The following AGBL4 variants were observed in gnomAD, a reference collection of about 807,000 sequenced individuals.
AGBL4 encodes AGBL carboxypeptidase 4.
In AGBL4, 58 loss-of-function variants were observed where a neutral mutation model predicts 66.4. The ratio of observed to expected loss-of-function variants is 0.87; its 90% CI spans 0.71 to 1.09. The LOEUF is 1.09. Ranked by LOEUF, AGBL4 falls within the 50% of genes least tolerant of loss-of-function variation. The probability of loss-of-function intolerance (pLI) is 0.00; values close to 1 mark genes in which losing one functional copy is unlikely to be tolerated. For synonymous variants in AGBL4, 234 were observed against 222.9 expected, an observed-to-expected ratio of 1.05 and a Z score of -0.44; for missense variants, 579 against 631.0, an observed-to-expected ratio of 0.92 and a Z score of 0.88.
intron 3 of AGBL4, among the ~76,000 whole-genome samples, chr1:49,620,864 T>TG (rs1464640563): frequency 6.8e-6 from 1 of 146,918 alleles, no homozygotes; most frequent in Non-Finnish European, 1.5e-5. Flanking sequence ...CAAATCAACC[T>TG]TTTTTTTTTC....
intron 3 of AGBL4, among the ~76,000 whole-genome samples, chr1:49,372,355 C>T (rs1278744582): frequency 3.3e-5 from 5 of 152,290 alleles, no homozygotes; most frequent in Admixed American, 3.3e-4. Context: ...AGTTCAGTCA[C>T]TCTTGTGACT....
chr1:49,574,825 T>C (rs1243741552), intron 3 of AGBL4, among the ~76,000 whole-genome samples: 2 of 151,552 alleles, frequency 1.3e-5, no homozygotes, highest in Admixed American at 6.6e-5. Context: ...CTAATCATGA[T>C]GTTCCTAGAA....
intron 4 of AGBL4, among the ~76,000 whole-genome samples, chr1:49,238,467 G>A (rs941264866): frequency 1.3e-5 from 2 of 152,044 alleles, no homozygotes; most frequent in African/African-American, 4.8e-5. Flanking sequence ...CAGCTATTGA[G>A]CCCATTCTTA....
At chr1:48,657,819 T>C (rs953788331) in intron 7 of AGBL4, among the ~76,000 whole-genome samples, 4 of 152,204 alleles carry the variant, frequency 2.6e-5, no homozygotes, top group Non-Finnish European at 5.9e-5. Context: ...AGAAACTGAA[T>C]TCAGTTATAG....
rs75660685 is a variant in AGBL4 at position 48,893,670 on chromosome 1, G to A, written c.595-26440C>T. Among the ~76,000 whole-genome samples the A allele has an allele frequency of 5.8e-4, 83 of 144,204 alleles. 2 individuals carry two copies. The East Asian group carries it at 0.015, about 26-fold the overall frequency. The allele number at this position is 144,204 out of a possible 152,430, so 94.6% of individuals were successfully genotyped here. On this transcript the variant is annotated intron_variant, in intron 5 of 13. Coordinates refer to ENST00000371839, the MANE Select transcript of AGBL4 (RefSeq NM_032785.4). Reference sequence around the variant, plus strand: ...ACTGCACTCCAGCCTGGGCAACAGAGTGAGACTCTGTCTCAAAAAATAAAT... The same window carrying A: ...ACTGCACTCCAGCCTGGGCAACAGAATGAGACTCTGTCTCAAAAAATAAAT...
At chr1:49,313,308 T>C (rs577178704) in intron 3 of AGBL4, among the ~76,000 whole-genome samples, 1 of 152,300 alleles carries the variant, frequency 6.6e-6, no homozygotes, top group Admixed American at 6.5e-5. Context: ...AGGTCTTTGC[T>C]ACTGTGAACA....
At chr1:48,611,181 A>G (rs1645233072) in intron 9 of AGBL4, among the ~76,000 whole-genome samples, 1 of 152,246 alleles carries the variant, frequency 6.6e-6, no homozygotes, top group Non-Finnish European at 1.5e-5. Context: ...GCAGCCTGAC[A>G]AATGGATTAG....
intron 3 of AGBL4, among the ~76,000 whole-genome samples, chr1:49,587,990 T>C (rs1385808395): frequency 6.6e-6 from 1 of 152,096 alleles, no homozygotes; most frequent in Admixed American, 6.6e-5. Flanking sequence ...CTTCTTAAAA[T>C]CTCTCAATGA....
chr1:48,807,927 A>C (rs1417032125), intron 6 of AGBL4, among the ~76,000 whole-genome samples: 1 of 152,150 alleles, frequency 6.6e-6, no homozygotes, highest in Non-Finnish European at 1.5e-5. Flanking sequence ...TCCTCTGGAC[A>C]CAGAAAATCA....
intron 2 of AGBL4, among the ~76,000 whole-genome samples, chr1:49,742,361 T>C (rs1398655221): frequency 2.0e-5 from 3 of 152,104 alleles, no homozygotes; most frequent in African/African-American, 7.2e-5. Flanking sequence ...GAAGGACCTC[T>C]TCAAGGAGAA....
At chr1:48,830,942 T>C (rs1646537587) in intron 6 of AGBL4, among the ~76,000 whole-genome samples, 1 of 152,184 alleles carries the variant, frequency 6.6e-6, no homozygotes, top group African/African-American at 2.4e-5. Context: ...ACAAGGTCCC[T>C]GTCCCCATCA....
chr1:49,260,926 C>T (rs1233557848), intron 3 of AGBL4, among the ~76,000 whole-genome samples: 4 of 148,594 alleles, frequency 2.7e-5, no homozygotes, highest in Admixed American at 6.7e-5. Context: ...ACTGGCAAAC[C>T]GAATTCAGCA....
intron 4 of AGBL4, among the ~76,000 whole-genome samples, chr1:49,114,310 A>C (rs1394420736): frequency 6.6e-6 from 1 of 152,170 alleles, no homozygotes; most frequent in Non-Finnish European, 1.5e-5. Context: ...ACCTCTGCTA[A>C]CTTCAAACTT....
In AGBL4 at chr1:48,534,101, A is replaced by G. The variant is rs1643931576; in HGVS notation, c.*72T>C. 2 of 1,544,970 alleles carry G rather than the reference A, an allele frequency of 1.3e-6. No individual in the cohort carries two copies. Among genetic ancestry groups the G allele is most frequent in the African/African-American group, 2.7e-5 (2 of 72,976 alleles). On this transcript the variant is annotated 3_prime_UTR_variant, in exon 14 of 14. Transcript: ENST00000371839. ...CACAAATCCTTGGAAGCTAGAGAAGAGTGATTAATTTCATTCCCCAGCAGA... is the reference window on the plus strand; with the variant it reads ...CACAAATCCTTGGAAGCTAGAGAAGGGTGATTAATTTCATTCCCCAGCAGA...
chr1:49,030,530 G>C (rs1195388707), intron 5 of AGBL4, among the ~76,000 whole-genome samples: 1 of 152,102 alleles, frequency 6.6e-6, no homozygotes, highest in Non-Finnish European at 1.5e-5. Context: ...ATTACCAGCT[G>C]ACCTCTGTCT....
chr1:49,544,528 G>A (rs1450178220), intron 3 of AGBL4, among the ~76,000 whole-genome samples: 1 of 152,042 alleles, frequency 6.6e-6, no homozygotes, highest in Non-Finnish European at 1.5e-5. Context: ...AATCTGAGGT[G>A]GTAAATCCAA....
chr1:49,310,393 C>A (rs1395691473), intron 3 of AGBL4, among the ~76,000 whole-genome samples: 1 of 151,950 alleles, frequency 6.6e-6, no homozygotes, highest in Non-Finnish European at 1.5e-5. Context: ...GTGGTGGTTC[C>A]GGTAATCCAG....
At chr1:49,767,549 A>G (rs1453166442) in intron 2 of AGBL4, among the ~76,000 whole-genome samples, 1 of 152,108 alleles carries the variant, frequency 6.6e-6, no homozygotes, top group Non-Finnish European at 1.5e-5. Context: ...TCTAGAGTAT[A>G]AAATGAAAAG....
chr1:49,802,491 T>C (rs1644885524), intron 2 of AGBL4, among the ~76,000 whole-genome samples: 1 of 152,216 alleles, frequency 6.6e-6, no homozygotes, highest in Non-Finnish European at 1.5e-5. Flanking sequence ...AAAACTGTGT[T>C]TCTGTTTTTA....
Sources: allele counts gnomAD v4.1 joint callset (sites outside exome capture counted in the v4.1 genomes callset), GRCh38; gene constraint gnomAD v4.1.1; transcripts MANE v1.5; gene names NCBI Gene and HGNC (gene_info 2026-07-23, HGNC 2026-07-21).